FNBP1: variants seen among roughly 807,000 people sequenced by gnomAD.
The protein encoded by FNBP1 is formin-binding protein 1.
A neutral mutation model predicts 90.6 loss-of-function variants in FNBP1; 26 were observed. The observed-to-expected ratio is 0.29, with a 90% CI of 0.21 to 0.40. The LOEUF (loss-of-function observed/expected upper bound fraction) is 0.40, where lower values mean the gene tolerates loss of function less well. FNBP1 is among the 10% of genes least tolerant of loss of function. FNBP1 has a pLI of 1.00. For missense variants in FNBP1, 635 were observed against 768.0 expected (o/e 0.83, Z 2.05); for synonymous variants, 260 against 265.2 (o/e 0.98, Z 0.19).
At chr9:129,977,957 AC>A (rs1253956620) in intron 4 of FNBP1, among the ~76,000 whole-genome samples, 2 of 151,856 alleles carry the variant, frequency 1.3e-5, no homozygotes, top group African/African-American at 2.4e-5. Context: ...TGTCTGAAGG[AC>A]CCTTGACATT....
chr9:130,042,998 G>T lies in FNBP1; in HGVS notation c.-23C>A. On this transcript the variant is annotated 5_prime_UTR_variant, in exon 1 of 17. Coordinates refer to ENST00000446176, the MANE Select transcript of FNBP1 (RefSeq NM_015033.3). The surrounding 1 kb of genome is among the most constrained non-coding windows in gnomAD (Gnocchi z 5.5). ...CATGGTGCAGGGGACGCGAAGGGGC[G>T]CTCCGCGCGGCGGGCGCGGCTCTCT... 1.6e-6 allele frequency: 2 copies of T among 1,224,890 alleles called. No individual in the cohort carries two copies. Among genetic ancestry groups the T allele is most frequent in the African/African-American group, 1.6e-5 (1 of 64,092 alleles). 75.9% of individuals were successfully genotyped at this position (1,224,890 alleles called of 1,614,324 possible).
chr9:130,042,385 G>T lies in FNBP1; in HGVS notation c.24+567C>A, dbSNP rs923951137. Among the ~76,000 whole-genome samples, 1 of 152,156 alleles carries T rather than the reference G, an allele frequency of 6.6e-6. No individual in the cohort carries two copies. Among genetic ancestry groups the T allele is most frequent in the East Asian group, 1.9e-4 (1 of 5,152 alleles). ...CGAAAGAACAAGTGCGCCCGGAGCC[G>T]CCACGGGCCAGAAGTCCTCGCCTCC... On this transcript the variant is annotated intron_variant, in intron 1 of 16. Coordinates refer to ENST00000446176, the MANE Select transcript of FNBP1 (RefSeq NM_015033.3). This position sits in a 1 kb window ranked among gnomAD's most constrained non-coding sequence, Gnocchi z 5.5.
chr9:130,051,307 G>A, the FNBP1 span, among the ~76,000 whole-genome samples: 1 of 152,154 alleles, frequency 6.6e-6, no homozygotes, highest in Non-Finnish European at 1.5e-5. Flanking sequence ...AAAGTGCTGG[G>A]ATTACAGGCA....
chr9:129,934,424 C>T (rs1195126345), intron 6 of FNBP1, among the ~76,000 whole-genome samples: 3 of 152,120 alleles, frequency 2.0e-5, no homozygotes, highest in Admixed American at 2.0e-4. Flanking sequence ...GGGTCACAGA[C>T]GTCTTAGAAT....
rs1302436865 is a variant in FNBP1, at chr9:129,887,637, A to AT, written c.*2901dup. ...CAGGCTTATCTCCACGGTGAGCAGG[A>AT]TAAAAACCCCCAAGGAACAGCCCAT... On this transcript the variant is annotated 3_prime_UTR_variant, in exon 17 of 17. Coordinates refer to ENST00000446176, the MANE Select transcript of FNBP1 (RefSeq NM_015033.3). 1.8e-5 allele frequency: 4 copies of AT among 218,640 alleles called. No individual in the cohort carries two copies. The highest frequency in any genetic ancestry group is 5.8e-5 in the Admixed American group (1 of 17,208). 13.5% of individuals were successfully genotyped at this position (218,640 alleles called of 1,614,324 possible).
At position 129,908,899 on chromosome 9, in the gene FNBP1, A is replaced by G. The variant is rs77988508; in HGVS notation, c.1286T>C (p.Met429Thr). The change falls in exon 12 of 17, where the codon ATG (methionine) becomes ACG (threonine). Residue 429 changes from methionine (M) to threonine (T), a missense_variant. Transcript: ENST00000446176. ...TATTGATGCACTATACCTTTGATCC[A>G]TCTCCTTCTGAATTTCTTTATTTAA... ...DELNKEIQKE[M>T]DQRDAITKMK... is the part of the protein sequence containing the mutation. 9,325 of 1,605,380 alleles carry G rather than the reference A, an allele frequency of 5.8e-3. 61 individuals are homozygous for G. Among genetic ancestry groups the G allele is most frequent in the South Asian group, 0.015 (1,374 of 90,694 alleles).
intron 2 of FNBP1, among the ~76,000 whole-genome samples, chr9:129,992,921 TAAAAAAA>T (rs977580384): frequency 2.6e-5 from 3 of 114,818 alleles, no homozygotes; most frequent in African/African-American, 9.6e-5. Context: ...TGAAGAAAAT[TAAAAAAA>T]AAAAAAAAGA....
At chr9:129,992,993 G>A (rs575879053) in intron 2 of FNBP1, among the ~76,000 whole-genome samples, 148 of 150,194 alleles carry the variant, frequency 9.9e-4, no homozygotes, top group African/African-American at 3.3e-3. Context: ...TTGGGAGACC[G>A]AGGCAGGCGG....
Position 129,900,954 on chromosome 9 carries a change from C to T in FNBP1, c.1429-407G>A, listed in dbSNP as rs1305643936. 5.9e-5 allele frequency among the ~76,000 whole-genome samples: 9 copies of T among 152,164 alleles called. No homozygotes were observed. The highest frequency in any genetic ancestry group is 5.9e-4 in the Admixed American group (9 of 15,272). On this transcript the variant is annotated intron_variant, in intron 13 of 16. Transcript: ENST00000446176. This position sits in a 1 kb window ranked among gnomAD's most constrained non-coding sequence, Gnocchi z 4.1. ...GGTCGCCCTGTGATACCTGAAGGTA[C>T]AGCCATGCTTAAAGCAGTGACTCAG...
chr9:129,986,658 C>T (rs1394613108), intron 2 of FNBP1, among the ~76,000 whole-genome samples: 2 of 151,550 alleles, frequency 1.3e-5, no homozygotes, highest in South Asian at 2.1e-4. Context: ...GGCGTGGTGG[C>T]GGGCGCCTGT....
At chr9:129,892,804 TAC>T (rs2035249241) in intron 16 of FNBP1, among the ~76,000 whole-genome samples, 1 of 152,198 alleles carries the variant, frequency 6.6e-6, no homozygotes, top group Admixed American at 6.5e-5. Flanking sequence ...TAGTCAATAT[TAC>T]AGAGATTCAC....
chr9:129,958,413 C>T, intron 5 of FNBP1, 78 bp downstream of exon 5: 6 of 1,147,104 alleles, frequency 5.2e-6, no homozygotes, highest in Non-Finnish European at 7.5e-6. Context: ...ACCTGGGCAA[C>T]AGAGGGAGCC....
chr9:129,917,760 C>T (rs1294011986), intron 10 of FNBP1, among the ~76,000 whole-genome samples: 1 of 152,116 alleles, frequency 6.6e-6, no homozygotes, highest in Admixed American at 6.5e-5. Flanking sequence ...ACCAGAAAGA[C>T]AAACTTTTGC....
rs2058794597 is a variant in FNBP1, at chr9:130,031,457, T to A, written c.24+11495A>T. Among the ~76,000 whole-genome samples the A allele has an allele frequency of 6.6e-6, 1 of 152,182 alleles. No individual in the cohort carries two copies. Among genetic ancestry groups the A allele is most frequent in the Non-Finnish European group, 1.5e-5 (1 of 68,028 alleles). On this transcript the variant is annotated intron_variant, in intron 1 of 16. Coordinates refer to ENST00000446176, the MANE Select transcript of FNBP1 (RefSeq NM_015033.3). This position sits in a 1 kb window ranked among gnomAD's most constrained non-coding sequence, Gnocchi z 4.2. ...GAGAGCTCTGTGCCCTCCATGACCC[T>A]TTGGACATACCATTTCCTCCTTCTT... is the stretch of plus-strand genomic sequence containing the variant.
intron 1 of FNBP1, among the ~76,000 whole-genome samples, chr9:130,036,985 C>T (rs1461427926): frequency 6.7e-6 from 1 of 148,578 alleles, no homozygotes; most frequent in Admixed American, 6.8e-5. Flanking sequence ...GCCGAGCTTG[C>T]AGTGAGCCGA....
intron 16 of FNBP1, among the ~76,000 whole-genome samples, chr9:129,893,718 C>A (rs2035363563): frequency 6.8e-6 from 1 of 147,664 alleles, no homozygotes; most frequent in Non-Finnish European, 1.5e-5. Context: ...AGATCAAGAC[C>A]ATTCTGGCTA....
At chr9:130,017,792 T>C (rs535052759) in intron 1 of FNBP1, among the ~76,000 whole-genome samples, 2 of 149,192 alleles carry the variant, frequency 1.3e-5, no homozygotes, top group East Asian at 4.0e-4. Flanking sequence ...ATCGCACTAC[T>C]GCACTCCAGC....
In FNBP1 at chr9:129,957,556, CTT is replaced by C; in HGVS notation, c.409-94_409-93del. The C allele has an allele frequency of 2.1e-6, 2 of 932,926 alleles. No homozygotes were observed. The allele number at this position is 932,926 out of a possible 1,614,324, so 57.8% of individuals were successfully genotyped here. A position where few individuals can be genotyped will look rare whatever the true frequency, so the allele number is the denominator to read the frequency against. On this transcript the variant is annotated intron_variant, in intron 5 of 16. Coordinates refer to ENST00000446176, the MANE Select transcript of FNBP1 (RefSeq NM_015033.3). The surrounding 1 kb of genome is among the most constrained non-coding windows in gnomAD (Gnocchi z 4.3). The stretch of plus-strand genomic sequence containing the variant: ...GCTCCCAAAGAGCATTGTTCTTTTT[CTT>C]TTTTTTTTCTTCAGTCAGGGTCTCA...
intron 10 of FNBP1, among the ~76,000 whole-genome samples, chr9:129,916,932 G>A (rs1226059048): frequency 1.3e-5 from 2 of 151,956 alleles, no homozygotes; most frequent in African/African-American, 4.8e-5. Context: ...GCCACCCCTT[G>A]CTCCGTGGAG....
Sources: gnomAD v4.1 joint callset for allele counts (sites outside exome capture counted in the v4.1 genomes callset) on GRCh38, gnomAD v4.1.1 for gene constraint, Gnocchi (gnomAD v3.1) non-coding constraint, MANE v1.5 for transcripts, NCBI Gene and HGNC (gene_info 2026-07-23, HGNC 2026-07-21) for gene names.